ITGBL1: variants seen among roughly 807,000 people sequenced by gnomAD.
ITGBL1 encodes integrin beta-like protein 1.
In ITGBL1, 51 loss-of-function variants were observed where a neutral mutation model predicts 68.5. The ratio of observed to expected loss-of-function variants is 0.74; its 90% CI spans 0.59 to 0.94. ITGBL1 has a LOEUF of 0.94. Ranked by LOEUF, ITGBL1 falls within the 40% of genes least tolerant of loss-of-function variation. The pLI is 0.00. For missense variants in ITGBL1, 649 were observed against 647.4 expected, an observed-to-expected ratio of 1.00 and a Z score of -0.03; for synonymous variants, 209 against 227.3, an observed-to-expected ratio of 0.92 and a Z score of 0.72.
At chr13:101,675,963 T>C (rs1024710365) in intron 7 of ITGBL1, among the ~76,000 whole-genome samples, 3 of 152,196 alleles carry the variant, frequency 2.0e-5, no homozygotes, top group Non-Finnish European at 2.9e-5. Context: ...CAATTTTTAA[T>C]TTTACTGTAT....
chr13:101,556,080 A>G (rs9518441), intron 2 of ITGBL1, among the ~76,000 whole-genome samples: 119,769 of 152,118 alleles, frequency 0.79, 47,148 homozygotes, highest in South Asian at 0.81. Context: ...TGCTTTGTGC[A>G]TACTGACTTA....
At chr13:101,538,985 T>C (rs1219563917) in intron 2 of ITGBL1, among the ~76,000 whole-genome samples, 1 of 150,862 alleles carries the variant, frequency 6.6e-6, no homozygotes, top group Non-Finnish European at 1.5e-5. Context: ...ATCCATGTAG[T>C]GGAGCTTTAC....
At chr13:101,521,373 G>A (rs902231180) in intron 2 of ITGBL1, among the ~76,000 whole-genome samples, 2 of 152,176 alleles carry the variant, frequency 1.3e-5, no homozygotes, top group African/African-American at 4.8e-5. Context: ...AGGTTAGATG[G>A]TGATAAATAC....
At chr13:101,586,289 T>C (rs1345041652) in intron 6 of ITGBL1, among the ~76,000 whole-genome samples, 2 of 152,170 alleles carry the variant, frequency 1.3e-5, no homozygotes, top group Non-Finnish European at 2.9e-5. Context: ...GAAGAGGTGA[T>C]GGCACAATTG....
At chr13:101,643,723 G>T (rs1166960218) in intron 7 of ITGBL1, among the ~76,000 whole-genome samples, 1 of 152,080 alleles carries the variant, frequency 6.6e-6, no homozygotes, top group Non-Finnish European at 1.5e-5. Context: ...GAACCAGCTG[G>T]ATCCACTGTA....
intron 7 of ITGBL1, among the ~76,000 whole-genome samples, chr13:101,648,885 GTGTTAAAT>G (rs2032654057): frequency 6.6e-6 from 1 of 152,002 alleles, no homozygotes; most frequent in Non-Finnish European, 1.5e-5. Context: ...TTTCACTTGA[GTGTTAAAT>G]TGATCTGTTC....
downstream of ITGBL1, chr13:101,719,057 A>ATTAT (rs1182148796): frequency 1.3e-5 from 2 of 152,092 alleles, no homozygotes; most frequent in African/African-American, 4.8e-5. Flanking sequence ...AAATATTTCA[A>ATTAT]TTATTTTCAT....
chr13:101,605,660 A>G (rs1350201690), intron 7 of ITGBL1, among the ~76,000 whole-genome samples: 1 of 151,584 alleles, frequency 6.6e-6, no homozygotes, highest in African/African-American at 2.4e-5. Flanking sequence ...GTATGCACGT[A>G]TGTAGACATG....
chr13:101,691,760 C>A (rs1482862876), intron 7 of ITGBL1, among the ~76,000 whole-genome samples: 1 of 152,148 alleles, frequency 6.6e-6, no homozygotes. Flanking sequence ...AATTTTGAAT[C>A]TATTTCTTCC....
intron 7 of ITGBL1, among the ~76,000 whole-genome samples, chr13:101,605,708 A>G (rs188430739): frequency 1.6e-4 from 24 of 151,548 alleles, no homozygotes; most frequent in Admixed American, 6.6e-4. Context: ...AGACTTATGT[A>G]TGTGCGTATA....
At chr13:101,687,639 A>T (rs1311112706) in intron 7 of ITGBL1, among the ~76,000 whole-genome samples, 1 of 152,108 alleles carries the variant, frequency 6.6e-6, no homozygotes, top group East Asian at 1.9e-4. Context: ...TTCATAAAAA[A>T]TGCAGTTCTT....
intron 7 of ITGBL1, among the ~76,000 whole-genome samples, chr13:101,677,941 T>C (rs2033545443): frequency 3.9e-5 from 6 of 152,200 alleles, no homozygotes; most frequent in Admixed American, 3.9e-4. Flanking sequence ...TTTTCCAAAA[T>C]TGGATATAAA....
intron 6 of ITGBL1, among the ~76,000 whole-genome samples, chr13:101,592,438 A>G (rs2050670806): frequency 6.6e-6 from 1 of 152,154 alleles, no homozygotes; most frequent in South Asian, 2.1e-4. Context: ...ATACTTAGGA[A>G]TAAAATTAAC....
chr13:101,618,420 T>C (rs1487646920), intron 7 of ITGBL1, among the ~76,000 whole-genome samples: 4 of 152,226 alleles, frequency 2.6e-5, no homozygotes, highest in Admixed American at 1.3e-4. Flanking sequence ...TCATTAGTTA[T>C]AGTGCTGAGC....
chr13:101,635,036 G>A (rs939999214), intron 7 of ITGBL1, among the ~76,000 whole-genome samples: 9 of 150,620 alleles, frequency 6.0e-5, no homozygotes, highest in African/African-American at 2.2e-4. Flanking sequence ...TTAGCTTTAT[G>A]TGCATATCTT....
chr13:101,515,573 A>AT (rs909682187), intron 2 of ITGBL1, among the ~76,000 whole-genome samples: 10 of 151,190 alleles, frequency 6.6e-5, no homozygotes, highest in Admixed American at 1.3e-4. Context: ...GGTATCTGCC[A>AT]TTTTTTTTTC....
chr13:101,605,150 A>ATG (rs151117427), intron 7 of ITGBL1, among the ~76,000 whole-genome samples: 1 of 118,754 alleles, frequency 8.4e-6, no homozygotes, highest in South Asian at 2.7e-4. Flanking sequence ...ATATATACAT[A>ATG]TGTGTGTGTA....
chr13:101,453,729 C>T (rs1213768122), intron 1 of ITGBL1, among the ~76,000 whole-genome samples, 154 bp from the exon 2 acceptor site: 2 of 152,144 alleles, frequency 1.3e-5, no homozygotes, highest in Non-Finnish European at 1.5e-5. Flanking sequence ...TTCCAGGCAG[C>T]GCTTGGACCC....
Position 101,453,894 on chromosome 13 carries a change from G to A in ITGBL1, c.110G>A (p.Gly37Asp). Residue 37 changes from glycine (G) to aspartate (D), a missense_variant, in exon 2 of 11, where the codon GGC (glycine) becomes GAC (aspartate). Gly to Asp is a moderately conservative substitution (Grantham distance 94). Coordinates refer to ENST00000376180, the MANE Select transcript of ITGBL1 (RefSeq NM_004791.3). ...TGTCGCCCGCGCAGGAGCTGGCCGG[G>A]CGCCGCCTGCAGGCTGTCCCGGGCC... ...SFSPSLRSWP[G>D]AACRLSRAES... 8.0e-7 allele frequency: 1 copy of A among 1,248,604 alleles called. No individual in the cohort carries two copies. 77.3% of individuals were successfully genotyped at this position (1,248,604 alleles called of 1,614,324 possible). A position where few individuals can be genotyped will look rare whatever the true frequency, so the allele number is the denominator to read the frequency against.
Sources: allele counts gnomAD v4.1 joint callset (sites outside exome capture counted in the v4.1 genomes callset), GRCh38; gene constraint gnomAD v4.1.1; transcripts MANE v1.5; gene names NCBI Gene and HGNC (gene_info 2026-07-23, HGNC 2026-07-21).